MAML2: variants seen among roughly 807,000 people sequenced by gnomAD.
MAML2 encodes the protein mastermind like transcriptional coactivator 2.
MAML2 carries 22 observed loss-of-function variants against 96.1 expected under a neutral mutation model. That is an observed-to-expected ratio of 0.23 (90% CI 0.16 to 0.33). MAML2 has a LOEUF of 0.33. Ranked by LOEUF, MAML2 falls within the 10% of genes least tolerant of loss-of-function variation. MAML2 has a pLI of 1.00. For synonymous variants in MAML2, 561 were observed against 521.3 expected (o/e 1.08, Z -1.04); for missense variants, 1,367 against 1,392.4 (o/e 0.98, Z 0.29).
In MAML2 at chr11:96,254,522, G is replaced by A. The variant is rs186025419; in HGVS notation, c.513+86861C>T. On this transcript the variant is annotated intron_variant, in intron 1 of 4. Transcript: ENST00000524717. ...TTGTAAGTGTACTATCAGCCAAATAGGTTTGAAAATCTTGACAAAAGGACG... is the reference window on the plus strand; with the variant it reads ...TTGTAAGTGTACTATCAGCCAAATAAGTTTGAAAATCTTGACAAAAGGACG... 1.6e-3 allele frequency among the ~76,000 whole-genome samples: 241 copies of A among 150,838 alleles called. 3 individuals carry two copies. The highest frequency in any genetic ancestry group is 0.012 in the Admixed American group (179 of 15,128).
At chr11:95,990,652 T>C (rs990061960) in intron 3 of MAML2, among the ~76,000 whole-genome samples, 1 of 152,172 alleles carries the variant, frequency 6.6e-6, no homozygotes, top group Admixed American at 6.5e-5. Context: ...TCTCCCCTCA[T>C]TGCAAATTAT....
intron 1 of MAML2, among the ~76,000 whole-genome samples, chr11:96,233,648 A>G (rs12575727): frequency 0.3 from 45,195 of 152,040 alleles, 7,309 homozygotes; most frequent in Non-Finnish European, 0.35. Flanking sequence ...GTTTCAAGCT[A>G]TCTTCCTGCC....
intron 1 of MAML2, among the ~76,000 whole-genome samples, chr11:96,150,969 T>G (rs1259737936): frequency 1.3e-5 from 2 of 152,214 alleles, no homozygotes; most frequent in Admixed American, 1.3e-4. Flanking sequence ...CTACCGAATC[T>G]AAATGTATAC....
chr11:96,298,698 T>C (rs149486108), intron 1 of MAML2, among the ~76,000 whole-genome samples: 448 of 148,550 alleles, frequency 3.0e-3, no homozygotes, highest in African/African-American at 0.01. Flanking sequence ...TATATGTGTG[T>C]ATGTGTGTAT....
Position 96,159,482 on chromosome 11 carries a change from G to A in MAML2, c.514-65965C>T, listed in dbSNP as rs1398941564. ...GGCTGGAGTGCAGTGGTGCGATCTCGGCTGCGAGCCGAGATCACTGCGAGC... is the reference window on the plus strand; with the variant it reads ...GGCTGGAGTGCAGTGGTGCGATCTCAGCTGCGAGCCGAGATCACTGCGAGC... On this transcript the variant is annotated intron_variant, in intron 1 of 4. Transcript: ENST00000524717. 4.4e-5 allele frequency among the ~76,000 whole-genome samples: 3 copies of A among 68,680 alleles called. No individual in the cohort carries two copies. The East Asian group carries it at 1.9e-3, about 44-fold the overall frequency. 45.1% of individuals were successfully genotyped at this position (68,680 alleles called of 152,430 possible).
At chr11:96,328,716 T>C (rs1258864831) in intron 1 of MAML2, among the ~76,000 whole-genome samples, 1 of 152,218 alleles carries the variant, frequency 6.6e-6, no homozygotes, top group African/African-American at 2.4e-5. Context: ...GCAGATCCCA[T>C]GCATTTCTTT....
At chr11:96,257,280 A>G (rs1372595652) in intron 1 of MAML2, among the ~76,000 whole-genome samples, 2 of 152,210 alleles carry the variant, frequency 1.3e-5, no homozygotes, top group Non-Finnish European at 2.9e-5. Flanking sequence ...GATCTGCACT[A>G]TTGGAACACT....
At position 96,135,545 on chromosome 11, in the gene MAML2, C is replaced by CTTTTTTT. The variant is rs10665067; in HGVS notation, c.514-42035_514-42029dup. 1.4e-5 allele frequency among the ~76,000 whole-genome samples: 2 copies of CTTTTTTT among 139,538 alleles called. 1 individual carries two copies. The highest frequency in any genetic ancestry group is 3.1e-5 in the Non-Finnish European group (2 of 65,300). 91.5% of individuals were successfully genotyped at this position (139,538 alleles called of 152,430 possible). On this transcript the variant is annotated intron_variant, in intron 1 of 4. Transcript: ENST00000524717. ...GCAGAAGAGAGGTCCCAATCCAAGG[C>CTTTTTTT]TTTTTTTTTTTTTTTTTAAACCGTG...
At chr11:96,255,129 C>T (rs922942247) in intron 1 of MAML2, among the ~76,000 whole-genome samples, 4 of 152,200 alleles carry the variant, frequency 2.6e-5, no homozygotes, top group African/African-American at 9.7e-5. Context: ...CACACCCAGC[C>T]TGAGGGCTCT....
At chr11:96,299,064 T>A (rs1258247001) in intron 1 of MAML2, among the ~76,000 whole-genome samples, 10 of 126,246 alleles carry the variant, frequency 7.9e-5, no homozygotes, top group African/African-American at 3.0e-4. Flanking sequence ...AAAAAAAATA[T>A]ATATATATAT....
Position 96,147,236 on chromosome 11 carries a change from A to G in MAML2, c.514-53719T>C, listed in dbSNP as rs1431483114. 2.0e-5 allele frequency among the ~76,000 whole-genome samples: 3 copies of G among 152,236 alleles called. No homozygotes were observed. The East Asian group carries it at 5.8e-4, about 29-fold the overall frequency. On this transcript the variant is annotated intron_variant, in intron 1 of 4. Coordinates refer to ENST00000524717, the MANE Select transcript of MAML2 (RefSeq NM_032427.4). ...TTCTATAAGATGAGTGATGTGGACT[A>G]TAATCTCCCAGCTACCCACAAATCC...
chr11:96,002,907 GAAA>G (rs1858113773), intron 2 of MAML2, among the ~76,000 whole-genome samples: 1 of 136,276 alleles, frequency 7.3e-6, no homozygotes, highest in African/African-American at 2.8e-5. Flanking sequence ...GGGATGATGA[GAAA>G]GATGATGGGG....
At chr11:96,178,794 A>C (rs981378515) in intron 1 of MAML2, among the ~76,000 whole-genome samples, 1 of 152,178 alleles carries the variant, frequency 6.6e-6, no homozygotes, top group Non-Finnish European at 1.5e-5. Context: ...TTTGCTGTTA[A>C]CTTGAACACG....
At chr11:96,018,148 C>T (rs527906960) in intron 2 of MAML2, among the ~76,000 whole-genome samples, 4 of 152,114 alleles carry the variant, frequency 2.6e-5, no homozygotes, top group South Asian at 2.1e-4. Context: ...GAGATTTTGG[C>T]CTGAGTATAG....
At chr11:96,114,962 C>A in intron 1 of MAML2, among the ~76,000 whole-genome samples, 1 of 152,066 alleles carries the variant, frequency 6.6e-6, no homozygotes. Flanking sequence ...GCAGAGGCAG[C>A]CGGTATGGAG....
chr11:96,072,786 G>A (rs1024173015), intron 2 of MAML2, among the ~76,000 whole-genome samples: 2 of 152,076 alleles, frequency 1.3e-5, no homozygotes, highest in African/African-American at 4.8e-5. Flanking sequence ...AAGCAATGAC[G>A]CCAAAGCCGG....
intron 1 of MAML2, among the ~76,000 whole-genome samples, chr11:96,249,090 A>C (rs1862549469): frequency 6.6e-6 from 1 of 152,364 alleles, no homozygotes; most frequent in South Asian, 2.1e-4. Context: ...GATCAATTAC[A>C]GTCTTCAGCT....
intron 1 of MAML2, among the ~76,000 whole-genome samples, chr11:96,199,924 G>GATCA (rs796366680): frequency 8.6e-4 from 131 of 152,286 alleles, no homozygotes; most frequent in African/African-American, 2.6e-3. Flanking sequence ...CCAAAATGCA[G>GATCA]ATCAATCATT....
In MAML2 at chr11:96,092,011, G is replaced by A; in HGVS notation, c.2020C>T (p.Leu674=). 2.5e-6 allele frequency: 4 copies of A among 1,577,514 alleles called. No homozygotes were observed. Among genetic ancestry groups the A allele is most frequent in the Non-Finnish European group, 3.4e-6 (4 of 1,160,754 alleles). Residue 674 remains leucine (L), a synonymous_variant, in exon 2 of 5, where the codon CTA becomes TTA. Transcript: ENST00000524717. The surrounding 1 kb of genome is among the most constrained non-coding windows in gnomAD (Gnocchi z 4.1). ...GACCTTAGCAAAGGCTGGCTTGGTA[G>A]AGATTGGGCAGGCTGAGAAGATGGT... The part of the protein sequence containing the change: ...QQPSSQPAQS[L]PSQPLLRSPL...
Sources: gnomAD v4.1 joint callset for allele counts (sites outside exome capture counted in the v4.1 genomes callset) on GRCh38, gnomAD v4.1.1 for gene constraint, Gnocchi (gnomAD v3.1) non-coding constraint, MANE v1.5 for transcripts, NCBI Gene and HGNC (gene_info 2026-07-23, HGNC 2026-07-21) for gene names.